MAP3K7: variants seen among roughly 807,000 people sequenced by gnomAD.
MAP3K7 encodes TGF-beta activated kinase 1.
MAP3K7 carries 21 observed loss-of-function variants against 84.8 expected under a neutral mutation model. That is an observed-to-expected ratio of 0.25 (90% CI 0.18 to 0.36). The LOEUF is 0.36. MAP3K7 is among the 10% of genes least tolerant of loss of function. The pLI, the probability that MAP3K7 is intolerant of heterozygous loss-of-function variation, is 1.00. For synonymous variants in MAP3K7, 241 were observed against 247.7 expected (o/e 0.97, Z 0.25); for missense variants, 503 against 747.7 (o/e 0.67, Z 3.82).
chr6:90,562,849 C>T (rs1200639049), intron 3 of MAP3K7, among the ~76,000 whole-genome samples: 1 of 152,182 alleles, frequency 6.6e-6, no homozygotes, highest in African/African-American at 2.4e-5. Flanking sequence ...ACACCTCATA[C>T]AGCCAGGTGC....
At chr6:90,524,957 A>G (rs903610952) in intron 13 of MAP3K7, among the ~76,000 whole-genome samples, 11 of 152,208 alleles carry the variant, frequency 7.2e-5, no homozygotes, top group African/African-American at 2.7e-4. Context: ...TAATTAATAT[A>G]TAACTCCCAA....
intron 5 of MAP3K7, among the ~76,000 whole-genome samples, chr6:90,559,382 T>C (rs1202614277): frequency 1.3e-5 from 1 of 76,000 alleles, no homozygotes. Context: ...GGGTGGGAGC[T>C]TGGGGGGAGG....
chr6:90,533,894 C>T (rs572380983), intron 13 of MAP3K7, among the ~76,000 whole-genome samples: 2 of 152,272 alleles, frequency 1.3e-5, no homozygotes, highest in East Asian at 3.9e-4. Flanking sequence ...TAGGAAGTCA[C>T]ATCTATTGAG....
chr6:90,554,099 G>T (rs930481424), intron 6 of MAP3K7, among the ~76,000 whole-genome samples: 1 of 152,048 alleles, frequency 6.6e-6, no homozygotes, highest in African/African-American at 2.4e-5. Flanking sequence ...TAGAGATGGG[G>T]TCTTGCCATG....
chr6:90,521,252 TTTTGCGTG>T (rs1775139688), intron 14 of MAP3K7, among the ~76,000 whole-genome samples: 1 of 97,228 alleles, frequency 1.0e-5, no homozygotes, highest in Non-Finnish European at 2.1e-5. Context: ...AATGAAAGTT[TTTTGCGTG>T]TGTGTGTGTG....
chr6:90,581,093 G>C (rs1777255432), intron 1 of MAP3K7, among the ~76,000 whole-genome samples: 1 of 152,068 alleles, frequency 6.6e-6, no homozygotes, highest in Non-Finnish European at 1.5e-5. Flanking sequence ...GTGTTTGTGT[G>C]TTATTTTTAA....
At chr6:90,582,880 C>CTTTTTTTTTTTTTTTTT (rs535938524) in intron 1 of MAP3K7, among the ~76,000 whole-genome samples, 1 of 129,162 alleles carries the variant, frequency 7.7e-6, no homozygotes, top group African/African-American at 3.0e-5. Context: ...CTTCTATCAT[C>CTTTTTTTTTTTTTTTTT]TTTTTTTTTT....
chr6:90,575,062 T>A (rs1777028096), intron 1 of MAP3K7, among the ~76,000 whole-genome samples: 7 of 152,162 alleles, frequency 4.6e-5, no homozygotes, highest in Admixed American at 4.6e-4. Context: ...TGCTGTGAAT[T>A]CAAAGGAGTG....
intron 13 of MAP3K7, among the ~76,000 whole-genome samples, chr6:90,532,925 T>G (rs979242143): frequency 2.6e-5 from 4 of 152,216 alleles, no homozygotes; most frequent in Admixed American, 2.0e-4. Flanking sequence ...TCACATCTAG[T>G]TTCACATGCA....
At chr6:90,518,410 A>C in intron 16 of MAP3K7, 37 bp downstream of exon 16, 3 of 1,036,972 alleles carry the variant, frequency 2.9e-6, no homozygotes, top group Non-Finnish European at 4.3e-6. Context: ...TCAAAATACT[A>C]ATGTATTTTT....
chr6:90,540,245 G>T (rs766117389), intron 12 of MAP3K7, among the ~76,000 whole-genome samples: 1 of 151,660 alleles, frequency 6.6e-6, no homozygotes, highest in East Asian at 1.9e-4. Flanking sequence ...TATTGCTCTC[G>T]AATGTTATGC....
chr6:90,586,117 A>T (rs1777440822), intron 1 of MAP3K7, among the ~76,000 whole-genome samples: 1 of 152,034 alleles, frequency 6.6e-6, no homozygotes. Flanking sequence ...TCACGCCTGT[A>T]ATCCCAGCAC....
chr6:90,516,759 A>G lies in MAP3K7; in HGVS notation c.1641-78T>C, dbSNP rs1435792314. On this transcript the variant is annotated intron_variant, in intron 16 of 16. Coordinates refer to ENST00000369329, the MANE Select transcript of MAP3K7 (RefSeq NM_145331.3). ...GTAGCTGATGATGGAAGCTCAATTA[A>G]TGAGAATTTTTATTCTTGGTTTATC... 35 of 1,173,992 alleles carry G rather than the reference A, an allele frequency of 3.0e-5. No individual in the cohort carries two copies. The East Asian group carries it at 6.5e-4, about 22-fold the overall frequency. 72.7% of individuals were successfully genotyped at this position (1,173,992 alleles called of 1,614,324 possible).
At chr6:90,527,353 C>T (rs1455444285) in intron 13 of MAP3K7, among the ~76,000 whole-genome samples, 1 of 151,968 alleles carries the variant, frequency 6.6e-6, no homozygotes, top group Non-Finnish European at 1.5e-5. Flanking sequence ...GCTTTGACCT[C>T]CTGGGCTCAA....
intron 5 of MAP3K7, among the ~76,000 whole-genome samples, chr6:90,559,303 G>C (rs904473361): frequency 6.6e-6 from 1 of 152,038 alleles, no homozygotes; most frequent in African/African-American, 2.4e-5. Context: ...CCAGTATCAA[G>C]AGAATGGAAT....
chr6:90,560,021 G>T, intron 5 of MAP3K7, 55 bp downstream of exon 5: 3 of 1,604,204 alleles, frequency 1.9e-6, no homozygotes, highest in Non-Finnish European at 1.7e-6. Flanking sequence ...TCGGGGTGGT[G>T]AGAGTGAGAG....
At chr6:90,576,445 A>T (rs1334892068) in intron 1 of MAP3K7, among the ~76,000 whole-genome samples, 9 of 151,324 alleles carry the variant, frequency 5.9e-5, no homozygotes, top group South Asian at 2.1e-4. Flanking sequence ...ACACACACAC[A>T]CACACACACA....
intron 1 of MAP3K7, among the ~76,000 whole-genome samples, chr6:90,577,646 A>G (rs553675423): frequency 6.6e-6 from 1 of 152,368 alleles, no homozygotes; most frequent in African/African-American, 2.4e-5. Context: ...AAAGAAAAAG[A>G]CGTTCCAGAA....
chr6:90,536,360 C>A lies in MAP3K7; in HGVS notation c.1333G>T (p.Val445Leu). ...ACCTGACCAGGTTCTGTTCCAGTTA[C>A]AGTCAAGTCTTGGATGGATCTACGT... ...PRRRSIQDLT[V>L]TGTEPGQVSS... is the part of the protein sequence containing the mutation. The change falls in exon 13 of 17, where the codon GTA (valine) becomes TTA (leucine). Residue 445 changes from valine (V) to leucine (L), a missense_variant. Physicochemically the swap from Val to Leu is conservative, Grantham distance 32. Coordinates refer to ENST00000369329, the MANE Select transcript of MAP3K7 (RefSeq NM_145331.3). The A allele has an allele frequency of 6.2e-7, 1 of 1,612,188 alleles. No individual in the cohort carries two copies. The highest frequency in any genetic ancestry group is 8.5e-7 in the Non-Finnish European group (1 of 1,178,660).
Sources: allele counts gnomAD v4.1 joint callset (sites outside exome capture counted in the v4.1 genomes callset), GRCh38; gene constraint gnomAD v4.1.1; transcripts MANE v1.5; gene names NCBI Gene and HGNC (gene_info 2026-07-23, HGNC 2026-07-21).